DOCK1: variants seen among roughly 807,000 people sequenced by gnomAD.
The protein encoded by DOCK1 is dedicator of cytokinesis protein 1.
Under a neutral mutation model 262.7 loss-of-function variants are expected in DOCK1, and 138 were observed. The observed-to-expected ratio is 0.53, with a 90% CI of 0.46 to 0.61. The LOEUF (loss-of-function observed/expected upper bound fraction) is 0.61, where lower values mean the gene tolerates loss of function less well. DOCK1 is among the 20% of genes least tolerant of loss of function. The pLI, the probability that DOCK1 is intolerant of heterozygous loss-of-function variation, is 0.00. For missense variants in DOCK1, 1,908 were observed against 2,370.7 expected, an observed-to-expected ratio of 0.80 and a Z score of 4.05; for synonymous variants, 866 against 867.4, an observed-to-expected ratio of 1.00 and a Z score of 0.03.
At chr10:126,924,470 A>G (rs533137047) in intron 1 of DOCK1, among the ~76,000 whole-genome samples, 7 of 151,598 alleles carry the variant, frequency 4.6e-5, no homozygotes, top group African/African-American at 1.7e-4. Context: ...TGCATGCTGG[A>G]ACTCAGTAGG....
At chr10:126,948,452 A>G (rs1383456725) in intron 1 of DOCK1, among the ~76,000 whole-genome samples, 22 of 150,554 alleles carry the variant, frequency 1.5e-4, no homozygotes, top group South Asian at 2.1e-4. Flanking sequence ...GCTGGTGGTG[A>G]TTGTGTTGGT....
At chr10:127,443,669 CTG>C (rs1326481944) in intron 49 of DOCK1, among the ~76,000 whole-genome samples, 1 of 152,168 alleles carries the variant, frequency 6.6e-6, no homozygotes, top group Non-Finnish European at 1.5e-5. Flanking sequence ...GTGGTCAAAT[CTG>C]TACATACTGT....
At chr10:127,292,756 G>A (rs1013512427) in intron 29 of DOCK1, among the ~76,000 whole-genome samples, 3 of 152,192 alleles carry the variant, frequency 2.0e-5, no homozygotes, top group Middle Eastern at 3.4e-3. Context: ...AAATAAAGTC[G>A]TTCCCGCAGC....
At chr10:127,445,390 T>C (rs1409296243) in intron 50 of DOCK1, among the ~76,000 whole-genome samples, 3 of 152,158 alleles carry the variant, frequency 2.0e-5, no homozygotes, top group Non-Finnish European at 4.4e-5. Context: ...TTCTGGAGAC[T>C]GTCAGTGGGT....
chr10:127,268,834 G>A (rs1234302169), intron 29 of DOCK1, among the ~76,000 whole-genome samples: 4 of 152,116 alleles, frequency 2.6e-5, no homozygotes, highest in Non-Finnish European at 5.9e-5. Context: ...TGACATGAAT[G>A]TACATGCCAG....
chr10:126,970,835 CA>C (rs1565017397), intron 2 of DOCK1, 50 bp downstream of exon 2: 1 of 1,587,344 alleles, frequency 6.3e-7, no homozygotes, highest in East Asian at 2.3e-5. Flanking sequence ...GCAGATGGCA[CA>C]CCTTCTCAGT....
intron 29 of DOCK1, among the ~76,000 whole-genome samples, chr10:127,326,481 G>T (rs73384625): frequency 6.6e-6 from 1 of 152,200 alleles, no homozygotes; most frequent in Non-Finnish European, 1.5e-5. Flanking sequence ...CATCCAAGTT[G>T]TATCATGAGA....
intron 42 of DOCK1, among the ~76,000 whole-genome samples, chr10:127,409,769 G>A (rs1422960284): frequency 6.6e-6 from 1 of 152,156 alleles, no homozygotes; most frequent in Admixed American, 6.5e-5. Flanking sequence ...GTTCATACAT[G>A]TGAGTGTGGC....
intron 27 of DOCK1, among the ~76,000 whole-genome samples, chr10:127,241,184 C>T (rs892785809): frequency 1.3e-5 from 2 of 151,988 alleles, no homozygotes; most frequent in East Asian, 1.9e-4. Flanking sequence ...ATTAGCCAGG[C>T]GTGGCATACC....
chr10:127,092,654 T>C (rs896041320), intron 23 of DOCK1, among the ~76,000 whole-genome samples: 1 of 152,146 alleles, frequency 6.6e-6, no homozygotes, highest in Non-Finnish European at 1.5e-5. Context: ...GATAATTTTT[T>C]TGTATTTTTA....
At chr10:126,938,945 T>G (rs1327170921) in intron 1 of DOCK1, among the ~76,000 whole-genome samples, 2 of 38,980 alleles carry the variant, frequency 5.1e-5, no homozygotes, top group African/African-American at 1.1e-4. Context: ...GGACGAACAC[T>G]GGGGGGGCGA....
intron 1 of DOCK1, among the ~76,000 whole-genome samples, chr10:126,919,016 T>C (rs989950119): frequency 9.0e-6 from 1 of 111,210 alleles, no homozygotes; most frequent in African/African-American, 3.1e-5. Flanking sequence ...CCAAGCTTCT[T>C]GGCTGTCTAA....
intron 13 of DOCK1, 33 bp downstream of exon 13, chr10:127,018,868 T>C (rs749406825): frequency 1.2e-6 from 2 of 1,610,404 alleles, no homozygotes; most frequent in South Asian, 1.1e-5. Context: ...CTTCTCAGCA[T>C]GGCATGGGGG....
At chr10:126,939,415 T>C (rs1262802815) in intron 1 of DOCK1, among the ~76,000 whole-genome samples, 9 of 152,212 alleles carry the variant, frequency 5.9e-5, no homozygotes, top group African/African-American at 1.9e-4. Context: ...CTATTCAGGG[T>C]CCTTTGAGAT....
intron 23 of DOCK1, among the ~76,000 whole-genome samples, chr10:127,093,114 C>T (rs116228781): frequency 0.026 from 4,015 of 152,018 alleles, 115 homozygotes; most frequent in East Asian, 0.11. Flanking sequence ...CCTCGATGTG[C>T]TGTGGTTTGT....
At chr10:127,290,735 A>G (rs1258860717) in intron 29 of DOCK1, among the ~76,000 whole-genome samples, 1 of 152,232 alleles carries the variant, frequency 6.6e-6, no homozygotes, top group East Asian at 1.9e-4. Context: ...CTTGAGGTCC[A>G]TCCAGGTTGT....
intron 1 of DOCK1, among the ~76,000 whole-genome samples, chr10:126,910,318 A>G (rs548500496): frequency 3.3e-5 from 5 of 152,242 alleles, no homozygotes; most frequent in Admixed American, 1.3e-4. Flanking sequence ...GTGTGTGTCA[A>G]TAGTTCTGTC....
chr10:126,934,122 T>C (rs1171661551), intron 1 of DOCK1, among the ~76,000 whole-genome samples: 1 of 152,192 alleles, frequency 6.6e-6, no homozygotes, highest in Non-Finnish European at 1.5e-5. Flanking sequence ...CAACCTATTT[T>C]ACTCTTAAAA....
Position 127,125,575 on chromosome 10 carries a change from C to T in DOCK1, c.2725C>T (p.Leu909=), listed in dbSNP as rs1261841796. 5.0e-6 allele frequency: 8 copies of T among 1,613,760 alleles called. No homozygotes were observed. The highest frequency in any genetic ancestry group is 1.1e-5 in the South Asian group (1 of 91,060). ...EACCQLLSHI[L]EVLYRKDVGP... ...CTGCTGTCAGCTGCTCAGCCACATC[C>T]TGGAGGTGCTGTACAGGAAGGACGT... Residue 909 remains leucine (L), a synonymous_variant, in exon 26 of 52, where the codon CTG becomes TTG. Transcript: ENST00000623213.
Sources: allele counts gnomAD v4.1 joint callset (sites outside exome capture counted in the v4.1 genomes callset), GRCh38; gene constraint gnomAD v4.1.1; transcripts MANE v1.5; gene names NCBI Gene and HGNC (gene_info 2026-07-23, HGNC 2026-07-21).